Variants in USP8 observed in about 807,000 individuals in gnomAD.
The protein encoded by USP8 is ubiquitin carboxyl-terminal hydrolase 8.
A neutral mutation model predicts 130.0 loss-of-function variants in USP8; 27 were observed. The ratio of observed to expected loss-of-function variants is 0.21; its 90% CI spans 0.15 to 0.29. The LOEUF is 0.29. USP8 is among the 10% of genes least tolerant of loss of function. USP8 has a pLI of 1.00. For synonymous variants in USP8, 392 were observed against 444.1 expected (o/e 0.88, Z 1.48); for missense variants, 1,029 against 1,312.2 (o/e 0.78, Z 3.33).
chr15:50,425,092 T>A (rs2049668607), intron 1 of USP8, among the ~76,000 whole-genome samples: 1 of 152,190 alleles, frequency 6.6e-6, no homozygotes, highest in Non-Finnish European at 1.5e-5. Flanking sequence ...GAATCCTTAC[T>A]AGCAGTGATG....
At chr15:50,450,852 G>T (rs1200381539) in intron 4 of USP8, among the ~76,000 whole-genome samples, 1 of 152,020 alleles carries the variant, frequency 6.6e-6, no homozygotes, top group Non-Finnish European at 1.5e-5. Flanking sequence ...ATAAATTTCT[G>T]CCTGTATCTG....
rs148244041 is a variant in USP8, at chr15:50,481,592, C to T, written c.1330C>T (p.Arg444Cys). The change falls in exon 11 of 20, where the codon CGT (arginine) becomes TGT (cysteine). Residue 444 changes from arginine (R) to cysteine (C), a missense_variant. Arg to Cys is a radical substitution (Grantham distance 180). Around this residue, in one of 4 missense-constraint regions of USP8, gnomAD observed 486 missense variants for 522.0 expected, o/e 0.93. Transcript: ENST00000307179. ...SPQSGKVIPD[R>C]STKPVVFSPT... Reference sequence around the variant, plus strand: ...TCAGAGTGGAAAAGTTATTCCTGATCGTTCCACCAAGCCAGTAGTTTTTTC... The same window carrying T: ...TCAGAGTGGAAAAGTTATTCCTGATTGTTCCACCAAGCCAGTAGTTTTTTC... The T allele has an allele frequency of 2.5e-4, 397 of 1,613,982 alleles. 3 individuals are homozygous for T. In the African/African-American group the frequency reaches 2.5e-3, roughly 10 times the overall value.
At position 50,490,334 on chromosome 15, in the gene USP8, G is replaced by A. The variant is rs1287465406; in HGVS notation, c.2043G>A (p.Pro681=). 3.7e-6 allele frequency: 6 copies of A among 1,612,948 alleles called. No individual in the cohort carries two copies. The highest frequency in any genetic ancestry group is 2.2e-5 in the East Asian group (1 of 44,838). The stretch of plus-strand genomic sequence containing the variant: ...CCAACACTGTTCATATGTACCCACC[G>A]GAAATGGCTCCTTCATCTGCACCTC... The part of the protein sequence containing the change: ...SPTNTVHMYP[P]EMAPSSAPPS... The change falls in exon 14 of 20, where the codon CCG becomes CCA. Residue 681 remains proline, a synonymous_variant. Coordinates refer to ENST00000307179, the MANE Select transcript of USP8 (RefSeq NM_005154.5).
rs57125859 is a variant in USP8, at chr15:50,509,132, CAAAAAAAAAAAA to C, written c.*10062_*10073del. 0.026 allele frequency: 1,059 copies of C among 41,412 alleles called. 29 individuals are homozygous for C. Among genetic ancestry groups the C allele is most frequent in the African/African-American group, 0.095 (1,003 of 10,556 alleles). 2.6% of individuals were successfully genotyped at this position (41,412 alleles called of 1,614,324 possible). The stretch of plus-strand genomic sequence containing the variant: ...TGGGCGACAGAGCGAGACTCCGTCA[CAAAAAAAAAAAA>C]AAAAAAAAAAAAAAAAATTACAAAA... On this transcript the variant is annotated 3_prime_UTR_variant, in exon 20 of 20. Coordinates refer to ENST00000307179, the MANE Select transcript of USP8 (RefSeq NM_005154.5).
chr15:50,486,780 G>C (rs1041435565), intron 12 of USP8, among the ~76,000 whole-genome samples: 5 of 152,026 alleles, frequency 3.3e-5, no homozygotes, highest in African/African-American at 1.2e-4. Context: ...CTACAAATAG[G>C]GTGCAGTGTA....
intron 4 of USP8, among the ~76,000 whole-genome samples, chr15:50,453,265 T>C (rs1317746719): frequency 1.3e-5 from 2 of 152,270 alleles, no homozygotes; most frequent in South Asian, 2.1e-4. Context: ...CTCTCACATC[T>C]ATTGATGGGT....
Position 50,487,872 on chromosome 15 carries a change from T to G in USP8, c.1891-1929T>G, listed in dbSNP as rs1392778501. Among the ~76,000 whole-genome samples, 3 of 152,190 alleles carry G rather than the reference T, an allele frequency of 2.0e-5. No homozygotes were observed. In the East Asian group the frequency reaches 5.8e-4, roughly 29 times the overall value. On this transcript the variant is annotated intron_variant, in intron 12 of 19. Coordinates refer to ENST00000307179, the MANE Select transcript of USP8 (RefSeq NM_005154.5). ...TTGAGGGCAGTGTTTTTAAAATCCCTAAGGTCATAATCAGTATAAGTATAA... is the reference window on the plus strand; with the variant it reads ...TTGAGGGCAGTGTTTTTAAAATCCCGAAGGTCATAATCAGTATAAGTATAA...
In USP8 at chr15:50,509,647, C is replaced by T. The variant is rs2052713346; in HGVS notation, c.*10559C>T. 1 of 149,470 alleles carries T rather than the reference C, an allele frequency of 6.7e-6. No homozygotes were observed. Among genetic ancestry groups the T allele is most frequent in the Admixed American group, 6.6e-5 (1 of 15,104 alleles). The allele number at this position is 149,470 out of a possible 1,614,324, so 9.3% of individuals were successfully genotyped here. ...TGGGCGACAGAGCGAGACTGCGTCT[C>T]AAAAAATAAAATAAAATAAAATAAA... On this transcript the variant is annotated 3_prime_UTR_variant, in exon 20 of 20. Transcript: ENST00000307179.
chr15:50,487,174 CAAT>C (rs2051994400), intron 12 of USP8, among the ~76,000 whole-genome samples: 10 of 151,348 alleles, frequency 6.6e-5, no homozygotes, highest in Non-Finnish European at 1.5e-4. Context: ...ACCTGTACCC[CAAT>C]AACCTATGGA....
intron 7 of USP8, among the ~76,000 whole-genome samples, chr15:50,469,050 T>C (rs567867371): frequency 9.8e-5 from 15 of 152,316 alleles, no homozygotes; most frequent in African/African-American, 3.4e-4. Context: ...ATGTAGTCTT[T>C]TATATCTGTC....
intron 11 of USP8, among the ~76,000 whole-genome samples, chr15:50,483,550 T>C (rs946370254): frequency 1.3e-5 from 2 of 152,238 alleles, no homozygotes; most frequent in Admixed American, 6.5e-5. Flanking sequence ...ATCCCAGCAC[T>C]TTGGGAGGCC....
At chr15:50,471,346 T>G (rs2051368608) in intron 7 of USP8, among the ~76,000 whole-genome samples, 3 of 152,204 alleles carry the variant, frequency 2.0e-5, no homozygotes, top group Non-Finnish European at 4.4e-5. Context: ...TGTTTTCAGT[T>G]TTGCTCCCCC....
chr15:50,457,093 A>T (rs948766311), intron 4 of USP8, among the ~76,000 whole-genome samples: 1 of 152,188 alleles, frequency 6.6e-6, no homozygotes, highest in Non-Finnish European at 1.5e-5. Flanking sequence ...TATTAACATG[A>T]TGTTGAAAAT....
intron 12 of USP8, among the ~76,000 whole-genome samples, chr15:50,485,594 T>C (rs1055843351): frequency 1.5e-4 from 21 of 138,314 alleles, no homozygotes; most frequent in Non-Finnish European, 2.5e-4. Context: ...AGTAATTTAG[T>C]GTTGTGAAAC....
chr15:50,440,893 T>C (rs1364552703), intron 2 of USP8, among the ~76,000 whole-genome samples: 3 of 151,874 alleles, frequency 2.0e-5, no homozygotes, highest in African/African-American at 7.3e-5. Context: ...TCCCAGCTAC[T>C]TGGGAGGCTG....
At chr15:50,424,884 C>T (rs1301064850) in intron 1 of USP8, among the ~76,000 whole-genome samples, 1 of 150,372 alleles carries the variant, frequency 6.7e-6, no homozygotes, top group Admixed American at 6.7e-5. Flanking sequence ...GCTCCTAAAA[C>T]TGTTTCCCAG....
At chr15:50,487,063 G>C (rs1007504506) in intron 12 of USP8, among the ~76,000 whole-genome samples, 2 of 151,792 alleles carry the variant, frequency 1.3e-5, no homozygotes, top group East Asian at 3.9e-4. Context: ...GGCAGAGGTT[G>C]CAGTGAGCCT....
At chr15:50,486,247 C>T (rs1192131654) in intron 12 of USP8, among the ~76,000 whole-genome samples, 1 of 152,140 alleles carries the variant, frequency 6.6e-6, no homozygotes, top group Non-Finnish European at 1.5e-5. Flanking sequence ...CTTTGGGAGG[C>T]TGAGGCAGGT....
intron 4 of USP8, among the ~76,000 whole-genome samples, chr15:50,457,182 G>C (rs1376108730): frequency 2.0e-5 from 3 of 152,146 alleles, no homozygotes; most frequent in African/African-American, 7.2e-5. Context: ...AGCTGGCACA[G>C]TTATTTGAAT....
Sources: allele counts gnomAD v4.1 joint callset (sites outside exome capture counted in the v4.1 genomes callset), GRCh38; gene constraint gnomAD v4.1.1; regional missense constraint gnomAD v4.1.1; transcripts MANE v1.5; gene names NCBI Gene and HGNC (gene_info 2026-07-23, HGNC 2026-07-21).